TWSG1: variants seen among roughly 807,000 people sequenced by gnomAD.
TWSG1 encodes the protein twisted gastrulation BMP signaling modulator 1, also known as twisted gastrulation protein homolog 1.
Under a neutral mutation model 23.0 loss-of-function variants are expected in TWSG1, and 15 were observed. That is an observed-to-expected ratio of 0.65 (90% CI 0.44 to 1.00). The LOEUF (loss-of-function observed/expected upper bound fraction) is 1.00, where lower values mean the gene tolerates loss of function less well. TWSG1 is among the 50% of genes least tolerant of loss of function. The pLI is 0.00. For missense variants in TWSG1, 242 were observed against 278.7 expected (o/e 0.87, Z 0.94); for synonymous variants, 86 against 92.8 (o/e 0.93, Z 0.42).
At chr18:9,349,565 T>G (rs1233020730) in intron 2 of TWSG1, among the ~76,000 whole-genome samples, 2 of 152,222 alleles carry the variant, frequency 1.3e-5, no homozygotes, top group Non-Finnish European at 2.9e-5. Context: ...CATTAATAAT[T>G]CTAGCTTTTA....
chr18:9,339,554 T>A (rs1452018628), intron 2 of TWSG1, among the ~76,000 whole-genome samples: 1 of 152,088 alleles, frequency 6.6e-6, no homozygotes, highest in Non-Finnish European at 1.5e-5. Flanking sequence ...CCTTCTGAGC[T>A]CAAGCAATCT....
At chr18:9,399,041 C>T (rs1183262316) in intron 4 of TWSG1, among the ~76,000 whole-genome samples, 1 of 151,938 alleles carries the variant, frequency 6.6e-6, no homozygotes, top group Non-Finnish European at 1.5e-5. Flanking sequence ...TTTAAAAGCA[C>T]AGCTGTATAA....
chr18:9,396,733 G>C, intron 4 of TWSG1, 187 bp downstream of exon 4: 1 of 573,730 alleles, frequency 1.7e-6, no homozygotes, highest in Non-Finnish European at 2.5e-6. Flanking sequence ...AGAAGGATAA[G>C]AGAAAAAAAA....
intron 2 of TWSG1, among the ~76,000 whole-genome samples, chr18:9,354,656 C>T (rs1429616395): frequency 6.6e-6 from 1 of 152,116 alleles, no homozygotes; most frequent in Non-Finnish European, 1.5e-5. Flanking sequence ...TGAATTTTGG[C>T]ACATTGATGT....
chr18:9,356,235 C>T (rs1381713319), intron 2 of TWSG1, among the ~76,000 whole-genome samples: 1 of 152,082 alleles, frequency 6.6e-6, no homozygotes, highest in Non-Finnish European at 1.5e-5. Flanking sequence ...TCTCTTACAC[C>T]AGTATGTAAA....
At chr18:9,391,667 A>G (rs764089604) in intron 3 of TWSG1, among the ~76,000 whole-genome samples, 5 of 152,254 alleles carry the variant, frequency 3.3e-5, no homozygotes, top group Non-Finnish European at 1.5e-5. Context: ...AATGTTTGAA[A>G]TATTGCAAGA....
rs771341688 is a variant in TWSG1, at chr18:9,400,374, T to C, written c.*847T>C. Reference sequence around the variant, plus strand: ...ATGGGGAACGAATGCCAAATCAGACTCCACCTAGAGCACCAGGAAACAGCT... The same window carrying C: ...ATGGGGAACGAATGCCAAATCAGACCCCACCTAGAGCACCAGGAAACAGCT... On this transcript the variant is annotated 3_prime_UTR_variant, in exon 5 of 5. Coordinates refer to ENST00000262120, the MANE Select transcript of TWSG1 (RefSeq NM_020648.6). 2 of 152,126 alleles carry C rather than the reference T, an allele frequency of 1.3e-5. No homozygotes were observed. Among genetic ancestry groups the C allele is most frequent in the African/African-American group, 2.4e-5 (1 of 41,430 alleles). 9.4% of individuals were successfully genotyped at this position (152,126 alleles called of 1,614,324 possible). A position where few individuals can be genotyped will look rare whatever the true frequency, so the allele number is the denominator to read the frequency against.
intron 2 of TWSG1, among the ~76,000 whole-genome samples, chr18:9,341,154 T>C (rs2040444906): frequency 2.0e-5 from 3 of 152,176 alleles, no homozygotes; most frequent in Non-Finnish European, 2.9e-5. Context: ...AGGCCCCACC[T>C]CTGTTGGAGG....
At chr18:9,346,814 G>T (rs941902119) in intron 2 of TWSG1, among the ~76,000 whole-genome samples, 18 of 152,152 alleles carry the variant, frequency 1.2e-4, no homozygotes, top group African/African-American at 4.1e-4. Context: ...TTTTGTGTGG[G>T]CATAAGTTTT....
intron 3 of TWSG1, among the ~76,000 whole-genome samples, chr18:9,384,513 G>C (rs2040673097): frequency 6.6e-6 from 1 of 152,014 alleles, no homozygotes; most frequent in African/African-American, 2.4e-5. Context: ...CTTCCACTTA[G>C]GATGCCAGTA....
Position 9,337,187 on chromosome 18 carries a change from G to T in TWSG1, c.-37-6G>T. The stretch of plus-strand genomic sequence containing the variant: ...CTTTGAATTAAAGTTGTGTTTGTTT[G>T]TTTAGTTTCCTGGGAGTTACTGATC... On this transcript the variant is annotated splice_polypyrimidine_tract_variant and splice_region_variant and intron_variant, in intron 1 of 4. Transcript: ENST00000262120. 1 of 1,601,278 alleles carries T rather than the reference G, an allele frequency of 6.2e-7. No individual in the cohort carries two copies. The highest frequency in any genetic ancestry group is 2.2e-5 in the East Asian group (1 of 44,786).
intron 2 of TWSG1, among the ~76,000 whole-genome samples, chr18:9,344,429 A>T (rs141868168): frequency 6.7e-6 from 1 of 149,068 alleles, no homozygotes; most frequent in Non-Finnish European, 1.5e-5. Flanking sequence ...TGGAGTGGTT[A>T]TGATTTGCAT....
At chr18:9,367,102 T>C (rs924388189) in intron 3 of TWSG1, among the ~76,000 whole-genome samples, 3 of 152,090 alleles carry the variant, frequency 2.0e-5, no homozygotes, top group African/African-American at 7.2e-5. Context: ...TCGCTAATTT[T>C]TAAATTTTTT....
intron 4 of TWSG1, among the ~76,000 whole-genome samples, chr18:9,398,241 CAT>C (rs1179778467): frequency 2.6e-5 from 4 of 151,570 alleles, no homozygotes; most frequent in African/African-American, 9.8e-5. Flanking sequence ...AAGTAATCAA[CAT>C]AACAGATATT....
chr18:9,390,195 C>G (rs950327486), intron 3 of TWSG1, among the ~76,000 whole-genome samples: 2 of 151,880 alleles, frequency 1.3e-5, no homozygotes, highest in Admixed American at 6.6e-5. Context: ...GAGTCTCGCT[C>G]TGTCGCCCAG....
intron 4 of TWSG1, among the ~76,000 whole-genome samples, chr18:9,398,108 T>G (rs2040746419): frequency 6.6e-6 from 1 of 152,022 alleles, no homozygotes; most frequent in Non-Finnish European, 1.5e-5. Context: ...CAGTGTAAGA[T>G]TTCTTATTCC....
rs1211845604 is a variant in TWSG1, at chr18:9,385,417, G to A, written c.224-10863G>A. ...TTAAAAGAAAGAACGGGCCGGGCGC[G>A]GTGGCTCACGCCTGTAATCCCAGCA... On this transcript the variant is annotated intron_variant, in intron 3 of 4. Coordinates refer to ENST00000262120, the MANE Select transcript of TWSG1 (RefSeq NM_020648.6). 1.3e-4 allele frequency among the ~76,000 whole-genome samples: 5 copies of A among 38,038 alleles called. 2 individuals are homozygous for A. Among genetic ancestry groups the A allele is most frequent in the Admixed American group, 4.9e-4 (2 of 4,058 alleles). 25.0% of individuals were successfully genotyped at this position (38,038 alleles called of 152,430 possible).
chr18:9,366,905 T>C (rs1286138509), intron 3 of TWSG1, among the ~76,000 whole-genome samples: 3 of 152,136 alleles, frequency 2.0e-5, no homozygotes, highest in African/African-American at 4.8e-5. Flanking sequence ...TACCTCACCT[T>C]TTCTGTGTAT....
At chr18:9,371,235 C>T (rs1046410854) in intron 3 of TWSG1, among the ~76,000 whole-genome samples, 1 of 151,322 alleles carries the variant, frequency 6.6e-6, no homozygotes, top group African/African-American at 2.4e-5. Context: ...TATATATGAC[C>T]TTAAATGTGA....
Sources: gnomAD v4.1 joint callset for allele counts (sites outside exome capture counted in the v4.1 genomes callset) on GRCh38, gnomAD v4.1.1 for gene constraint, MANE v1.5 for transcripts, NCBI Gene and HGNC (gene_info 2026-07-23, HGNC 2026-07-21) for gene names.